The following UMAD1 variants were observed in gnomAD, a reference collection of about 807,000 sequenced individuals.
UMAD1 encodes the protein UBAP1-MVB12-associated (UMA) domain containing 1, also known as UBAP1-MVB12-associated (UMA)-domain containing protein 1.
UMAD1 carries 8 observed loss-of-function variants against 6.1 expected under a neutral mutation model. That is an observed-to-expected ratio of 1.30 (90% CI 0.76 to 2.35). The LOEUF (loss-of-function observed/expected upper bound fraction) is 2.35. UMAD1 is among the 30% of genes most tolerant of loss of function. The pLI is 0.00. For synonymous variants in UMAD1, 56 were observed against 31.4 expected, an observed-to-expected ratio of 1.78 and a Z score of -2.61; for missense variants, 130 against 78.4, an observed-to-expected ratio of 1.66 and a Z score of -2.49.
At chr7:7,656,314 A>T (rs6964064) in intron 1 of UMAD1, among the ~76,000 whole-genome samples, 101,502 of 150,874 alleles carry the variant, frequency 0.67, 34,803 homozygotes, top group East Asian at 0.88. Flanking sequence ...ATTTAAAAAA[A>T]TTTTTTTTTT....
intron 3 of UMAD1, among the ~76,000 whole-genome samples, chr7:7,812,722 A>G (rs1276977852): frequency 6.6e-6 from 1 of 151,266 alleles, no homozygotes; most frequent in African/African-American, 2.4e-5. Context: ...TTCTACTTTT[A>G]TAGCTTTAAA....
chr7:7,795,666 G>A (rs563115400), intron 2 of UMAD1, among the ~76,000 whole-genome samples: 1 of 152,278 alleles, frequency 6.6e-6, no homozygotes, highest in South Asian at 2.1e-4. Flanking sequence ...AAAGGGGCAG[G>A]GATTTCCCAG....
chr7:7,642,412 C>T (rs576919856), intron 1 of UMAD1, among the ~76,000 whole-genome samples: 1 of 151,978 alleles, frequency 6.6e-6, no homozygotes, highest in East Asian at 1.9e-4. Flanking sequence ...TCCCCCGTCT[C>T]CCTCCCAAAG....
intron 2 of UMAD1, among the ~76,000 whole-genome samples, chr7:7,760,065 T>C (rs1781853820): frequency 6.6e-6 from 1 of 152,160 alleles, no homozygotes; most frequent in South Asian, 2.1e-4. Context: ...ATGTGACTTC[T>C]GCTTTGTTTT....
chr7:7,671,518 A>C (rs1779605394), intron 1 of UMAD1, among the ~76,000 whole-genome samples: 1 of 152,154 alleles, frequency 6.6e-6, no homozygotes, highest in African/African-American at 2.4e-5. Flanking sequence ...AGGCCTTCTC[A>C]GTTTTGTTTT....
rs139086516 is a variant in UMAD1, at chr7:7,748,913, C to A, written c.83-52757C>A. On this transcript the variant is annotated intron_variant, in intron 2 of 3. Transcript: ENST00000682710. ...AATCTAAGAACTGCCAAACTTCTCA[C>A]ACTCCTAATTCCCTCTTTTATCCCT... Among the ~76,000 whole-genome samples, 357 of 150,282 alleles carry A rather than the reference C, an allele frequency of 2.4e-3. 4 individuals are homozygous for A. The highest frequency in any genetic ancestry group is 8.2e-3 in the African/African-American group (338 of 41,088).
intron 2 of UMAD1, among the ~76,000 whole-genome samples, chr7:7,791,991 T>C (rs1782575545): frequency 6.6e-6 from 1 of 152,238 alleles, no homozygotes; most frequent in Non-Finnish European, 1.5e-5. Flanking sequence ...CAATCGTTTG[T>C]AATTCTTTTT....
chr7:7,781,967 TATTTTGAATGAAGC>T (rs1236779906), intron 2 of UMAD1, among the ~76,000 whole-genome samples: 1 of 152,108 alleles, frequency 6.6e-6, no homozygotes, highest in Non-Finnish European at 1.5e-5. Context: ...TCTAGCTTTG[TATTTTGAATGAAGC>T]AGCAAGTCAC....
intron 3 of UMAD1, chr7:7,868,307 T>C (rs547937827): frequency 6.6e-6 from 1 of 152,346 alleles, no homozygotes; most frequent in East Asian, 1.9e-4. Context: ...CTCTTTCCTC[T>C]TTCCACCGCG....
chr7:7,786,598 A>AT (rs1481350096), intron 2 of UMAD1, among the ~76,000 whole-genome samples: 1 of 152,004 alleles, frequency 6.6e-6, no homozygotes, highest in African/African-American at 2.4e-5. Context: ...TCAGAGAAAT[A>AT]TTTTTTACAT....
chr7:7,745,722 A>T (rs1176615584), intron 2 of UMAD1, among the ~76,000 whole-genome samples: 2 of 152,198 alleles, frequency 1.3e-5, no homozygotes, highest in Non-Finnish European at 2.9e-5. Flanking sequence ...AATATCACTG[A>T]GTATATTTTA....
chr7:7,868,098 C>T (rs186355846), intron 3 of UMAD1, among the ~76,000 whole-genome samples: 47 of 152,196 alleles, frequency 3.1e-4, no homozygotes, highest in African/African-American at 1.1e-3. Context: ...TGCTGAGAAT[C>T]ATGAGGCGGG....
rs909924173 is a variant in UMAD1 at position 7,826,634 on chromosome 7, G to T, written c.156+24891G>T. Among the ~76,000 whole-genome samples, 6 of 152,228 alleles carry T rather than the reference G, an allele frequency of 3.9e-5. 1 individual carries two copies. The South Asian group carries it at 8.3e-4, about 21-fold the overall frequency. ...ATTTTTATATATCAGATTGCCTCTAGATTACAAGATGGTCACTGCATCTTC... is the reference window on the plus strand; with the variant it reads ...ATTTTTATATATCAGATTGCCTCTATATTACAAGATGGTCACTGCATCTTC... On this transcript the variant is annotated intron_variant, in intron 3 of 3. Transcript: ENST00000682710.
At chr7:7,876,347 C>T (rs1204512919) in intron 3 of UMAD1, among the ~76,000 whole-genome samples, 3 of 152,082 alleles carry the variant, frequency 2.0e-5, no homozygotes, top group African/African-American at 7.2e-5. Context: ...ACACCTGGAG[C>T]CAGATGGCGA....
intron 2 of UMAD1, among the ~76,000 whole-genome samples, chr7:7,763,614 C>T (rs923182581): frequency 4.6e-5 from 7 of 152,164 alleles, no homozygotes; most frequent in Non-Finnish European, 8.8e-5. Context: ...TGGTGGCTTA[C>T]GCCTGTAATC....
At chr7:7,685,280 A>C (rs1780015523) in intron 2 of UMAD1, among the ~76,000 whole-genome samples, 2 of 151,548 alleles carry the variant, frequency 1.3e-5, no homozygotes, top group African/African-American at 4.8e-5. Flanking sequence ...GCATATTATG[A>C]AGGGAAGAAT....
At chr7:7,684,577 A>G (rs1358344617) in intron 2 of UMAD1, among the ~76,000 whole-genome samples, 1 of 152,156 alleles carries the variant, frequency 6.6e-6, no homozygotes, top group African/African-American at 2.4e-5. Context: ...TGAGGAACTC[A>G]TGGATACGGA....
chr7:7,728,991 A>G (rs1480511122), intron 2 of UMAD1, among the ~76,000 whole-genome samples: 1 of 152,246 alleles, frequency 6.6e-6, no homozygotes, highest in African/African-American at 2.4e-5. Context: ...GTGTAAAACT[A>G]CAATGTTCAT....
intron 3 of UMAD1, among the ~76,000 whole-genome samples, chr7:7,833,408 C>T (rs867054300): frequency 1.3e-5 from 2 of 151,816 alleles, no homozygotes; most frequent in Non-Finnish European, 2.9e-5. Flanking sequence ...ATGTGACCAC[C>T]GAGGGGGATT....
Sources: allele counts gnomAD v4.1 joint callset (sites outside exome capture counted in the v4.1 genomes callset), GRCh38; gene constraint gnomAD v4.1.1; transcripts MANE v1.5; gene names NCBI Gene and HGNC (gene_info 2026-07-23, HGNC 2026-07-21).